MYLK4: variants seen among roughly 807,000 people sequenced by gnomAD.
The protein encoded by MYLK4 is caMLCK like.
MYLK4 carries 46 observed loss-of-function variants against 48.1 expected under a neutral mutation model. That is an observed-to-expected ratio of 0.96 (90% CI 0.75 to 1.22). MYLK4 has a LOEUF of 1.22. MYLK4 is among the 50% of genes most tolerant of loss of function. The pLI is 0.00. For synonymous variants in MYLK4, 170 were observed against 180.8 expected (o/e 0.94, Z 0.48); for missense variants, 451 against 486.1 (o/e 0.93, Z 0.68).
intron 2 of MYLK4, among the ~76,000 whole-genome samples, chr6:2,708,454 A>G (rs1006790256): frequency 4.6e-5 from 7 of 152,322 alleles, no homozygotes; most frequent in African/African-American, 1.7e-4. Flanking sequence ...ATGGGAGAAA[A>G]AAAAATCGTG....
At chr6:2,694,055 G>A (rs1434345921) in intron 2 of MYLK4, among the ~76,000 whole-genome samples, 1 of 152,118 alleles carries the variant, frequency 6.6e-6, no homozygotes, top group Non-Finnish European at 1.5e-5. Flanking sequence ...CAACATGTCC[G>A]GCTGCAAATG....
Position 2,664,079 on chromosome 6 carries a change from T to C in MYLK4, c.*3846A>G, listed in dbSNP as rs906553366. 2.0e-5 allele frequency: 3 copies of C among 152,240 alleles called. No individual in the cohort carries two copies. The highest frequency in any genetic ancestry group is 2.9e-5 in the Non-Finnish European group (2 of 68,036). 9.4% of individuals were successfully genotyped at this position (152,240 alleles called of 1,614,324 possible). ...AAGCTATGTGAGGAAGTCATCTTAATCCAGGAACCCAATATCTAATAAATC... is the reference window on the plus strand; with the variant it reads ...AAGCTATGTGAGGAAGTCATCTTAACCCAGGAACCCAATATCTAATAAATC... On this transcript the variant is annotated 3_prime_UTR_variant, in exon 13 of 13. Transcript: ENST00000274643.
the MYLK4 span, among the ~76,000 whole-genome samples, chr6:2,756,328 C>G: frequency 6.6e-6 from 1 of 152,190 alleles, no homozygotes; most frequent in Non-Finnish European, 1.5e-5. Flanking sequence ...CCCATATTGG[C>G]CAACGGAAGT....
chr6:2,764,934 T>A, the MYLK4 span, among the ~76,000 whole-genome samples: 1 of 152,228 alleles, frequency 6.6e-6, no homozygotes, highest in African/African-American at 2.4e-5. Context: ...TGGTTTTCTA[T>A]TGGAGGCTTT....
intron 2 of MYLK4, among the ~76,000 whole-genome samples, chr6:2,716,819 A>G (rs1236090179): frequency 2.0e-5 from 3 of 152,238 alleles, no homozygotes; most frequent in African/African-American, 7.2e-5. Context: ...CAGAGTTTTT[A>G]TGAATATAAA....
chr6:2,715,938 G>A (rs937698944), intron 2 of MYLK4, among the ~76,000 whole-genome samples: 3 of 152,186 alleles, frequency 2.0e-5, no homozygotes, highest in African/African-American at 2.4e-5. Flanking sequence ...GGTTCCTCGT[G>A]CACTGCCACC....
the MYLK4 span, among the ~76,000 whole-genome samples, chr6:2,769,409 T>A: frequency 5.3e-5 from 8 of 151,590 alleles, no homozygotes; most frequent in African/African-American, 1.7e-4. Flanking sequence ...CTTAGGGATT[T>A]AAAAAAAAAT....
chr6:2,768,383 G>T, the MYLK4 span, among the ~76,000 whole-genome samples: 4 of 152,172 alleles, frequency 2.6e-5, no homozygotes, highest in Non-Finnish European at 5.9e-5. Flanking sequence ...CAAGACAGCC[G>T]TTCTTTACTG....
chr6:2,762,674 A>G, the MYLK4 span, among the ~76,000 whole-genome samples: 2 of 152,246 alleles, frequency 1.3e-5, no homozygotes, highest in African/African-American at 4.8e-5. Context: ...TTTTACTCTC[A>G]TTAACTTGAT....
the MYLK4 span, among the ~76,000 whole-genome samples, chr6:2,768,092 C>T: frequency 6.6e-6 from 1 of 152,172 alleles, no homozygotes; most frequent in Non-Finnish European, 1.5e-5. Context: ...ACCTGGGTCT[C>T]CTTGGTTTTC....
At chr6:2,726,287 C>G (rs1215269993) in intron 2 of MYLK4, among the ~76,000 whole-genome samples, 2 of 152,104 alleles carry the variant, frequency 1.3e-5, no homozygotes, top group African/African-American at 2.4e-5. Context: ...TAATAAAAAG[C>G]AGAAAGATGT....
chr6:2,728,348 C>G (rs1763358065), intron 2 of MYLK4, among the ~76,000 whole-genome samples: 1 of 152,104 alleles, frequency 6.6e-6, no homozygotes, highest in African/African-American at 2.4e-5. Context: ...GTCCCCGTCT[C>G]TCTGAAGAAA....
At chr6:2,754,754 G>GCA (rs1024887169), upstream of MYLK4, among the ~76,000 whole-genome samples, 19 of 152,262 alleles carry the variant, frequency 1.2e-4, no homozygotes, top group Non-Finnish European at 2.6e-4. Flanking sequence ...AACACTTTGT[G>GCA]GTCATCTGTC....
intron 2 of MYLK4, among the ~76,000 whole-genome samples, chr6:2,739,151 G>A (rs534996951): frequency 6.6e-6 from 1 of 152,278 alleles, no homozygotes; most frequent in Admixed American, 6.5e-5. Flanking sequence ...AAAAGGTAGA[G>A]ATAAGAATTC....
At chr6:2,738,094 G>A (rs2113349069) in intron 2 of MYLK4, among the ~76,000 whole-genome samples, 1 of 151,648 alleles carries the variant, frequency 6.6e-6, no homozygotes, top group East Asian at 2.0e-4. Flanking sequence ...ATTCCAGCTG[G>A]TGGTCTTATG....
At chr6:2,703,757 G>A (rs918471951) in intron 2 of MYLK4, among the ~76,000 whole-genome samples, 3 of 125,892 alleles carry the variant, frequency 2.4e-5, no homozygotes, top group African/African-American at 6.0e-5. Flanking sequence ...TGCAAACTCC[G>A]CCTCCGGGGT....
At chr6:2,770,095 T>G in the MYLK4 span, 8 of 1,612,664 alleles carry the variant, frequency 5.0e-6, no homozygotes, top group Non-Finnish European at 5.9e-6. Context: ...GGAATCACTT[T>G]TTTCTGTTTT....
intron 2 of MYLK4, among the ~76,000 whole-genome samples, chr6:2,730,950 G>T (rs1221088224): frequency 1.3e-5 from 2 of 152,156 alleles, no homozygotes; most frequent in African/African-American, 4.8e-5. Context: ...ACCCCTGGTT[G>T]TGGTCCAAAA....
intron 12 of MYLK4, 27 bp downstream of exon 12, chr6:2,671,249 C>T: frequency 1.3e-6 from 2 of 1,489,456 alleles, no homozygotes; most frequent in Non-Finnish European, 1.9e-6. Context: ...CCTTCACAGA[C>T]ACCTCTTCAG....
Sources: allele counts gnomAD v4.1 joint callset (sites outside exome capture counted in the v4.1 genomes callset), GRCh38; gene constraint gnomAD v4.1.1; transcripts MANE v1.5; gene names NCBI Gene and HGNC (gene_info 2026-07-23, HGNC 2026-07-21).